Variants in SIPA1L1 observed in about 807,000 individuals in gnomAD.
SIPA1L1 encodes signal-induced proliferation-associated 1-like protein 1.
In SIPA1L1, 26 loss-of-function variants were observed where a neutral mutation model predicts 162.7. That is an observed-to-expected ratio of 0.16 (90% CI 0.12 to 0.22). The LOEUF (loss-of-function observed/expected upper bound fraction) is 0.22, where lower values mean the gene tolerates loss of function less well. Ranked by LOEUF, SIPA1L1 falls within the 10% of genes least tolerant of loss-of-function variation. The pLI, the probability that SIPA1L1 is intolerant of heterozygous loss-of-function variation, is 1.00. For missense variants in SIPA1L1, 1,874 were observed against 2,241.0 expected, an observed-to-expected ratio of 0.84 and a Z score of 3.31; for synonymous variants, 829 against 837.4, an observed-to-expected ratio of 0.99 and a Z score of 0.17.
At chr14:71,655,617 T>C (rs1354415303) in intron 8 of SIPA1L1, among the ~76,000 whole-genome samples, 2 of 152,186 alleles carry the variant, frequency 1.3e-5, no homozygotes, top group African/African-American at 4.8e-5. Context: ...TTTCTCAAAA[T>C]CCTTGCCAAC....
At chr14:71,435,724 A>G (rs891479752) in intron 2 of SIPA1L1, among the ~76,000 whole-genome samples, 1 of 152,174 alleles carries the variant, frequency 6.6e-6, no homozygotes, top group Non-Finnish European at 1.5e-5. Context: ...TGGTATTTCT[A>G]GTTCTAGATC....
intron 4 of SIPA1L1, among the ~76,000 whole-genome samples, chr14:71,532,996 A>T (rs1394079763): frequency 6.6e-6 from 1 of 152,160 alleles, no homozygotes; most frequent in Non-Finnish European, 1.5e-5. Flanking sequence ...TCCTGGAAAC[A>T]TATTGTATCT....
At chr14:71,658,145 C>T (rs567137336) in intron 8 of SIPA1L1, among the ~76,000 whole-genome samples, 188 bp from the exon 9 acceptor site, 3 of 150,868 alleles carry the variant, frequency 2.0e-5, no homozygotes, top group East Asian at 1.9e-4. Context: ...GGATCTGATC[C>T]GTAGGCTTCA....
At chr14:71,323,946 A>G (rs1264548029) in intron 2 of SIPA1L1, among the ~76,000 whole-genome samples, 1 of 152,214 alleles carries the variant, frequency 6.6e-6, no homozygotes. Flanking sequence ...TTGAATTTTA[A>G]TATATTTTAA....
chr14:71,685,273 TTTTTAAGTG>T, intron 12 of SIPA1L1, 80 bp from the exon 13 acceptor site: 1 of 1,397,926 alleles, frequency 7.2e-7, no homozygotes, highest in East Asian at 2.3e-5. Context: ...TGTGGATCCA[TTTTTAAGTG>T]TTAATGAGAA....
chr14:71,719,659 A>G (rs1306959022), intron 17 of SIPA1L1, among the ~76,000 whole-genome samples: 1 of 151,990 alleles, frequency 6.6e-6, no homozygotes, highest in Admixed American at 6.6e-5. Context: ...ACACCCAGCT[A>G]TTTTTGTGTT....
intron 4 of SIPA1L1, chr14:71,573,744 C>T (rs1235049675): frequency 2.6e-5 from 12 of 456,460 alleles, no homozygotes; most frequent in South Asian, 1.7e-4. Context: ...AAACAATATC[C>T]ATTATCTCTA....
chr14:71,551,791 G>C (rs533244263), intron 4 of SIPA1L1, among the ~76,000 whole-genome samples: 1 of 152,000 alleles, frequency 6.6e-6, no homozygotes, highest in Non-Finnish European at 1.5e-5. Context: ...CCTTGGACAC[G>C]CTGTTTGCTC....
chr14:71,433,914 A>G (rs1465818710), intron 2 of SIPA1L1, among the ~76,000 whole-genome samples: 1 of 152,194 alleles, frequency 6.6e-6, no homozygotes, highest in Admixed American at 6.5e-5. Flanking sequence ...GCACAGAGCA[A>G]AATGTCTAGA....
intron 4 of SIPA1L1, among the ~76,000 whole-genome samples, chr14:71,563,467 T>C (rs1374584688): frequency 6.6e-6 from 1 of 152,232 alleles, no homozygotes; most frequent in Non-Finnish European, 1.5e-5. Flanking sequence ...GCACTTATAT[T>C]ACTAAGGTGT....
chr14:71,702,270 CAAAA>C (rs1359091016), intron 14 of SIPA1L1, 107 bp from the exon 15 acceptor site: 3 of 1,187,362 alleles, frequency 2.5e-6, no homozygotes, highest in Admixed American at 4.0e-5. Flanking sequence ...GACACATAAG[CAAAA>C]ACCAGTAGTG....
chr14:71,626,318 G>A (rs2039979948), intron 7 of SIPA1L1, among the ~76,000 whole-genome samples: 1 of 152,148 alleles, frequency 6.6e-6, no homozygotes, highest in Non-Finnish European at 1.5e-5. Context: ...GAATCTAGAG[G>A]TTCAAAGCAT....
At chr14:71,375,991 C>T (rs965000375) in intron 2 of SIPA1L1, among the ~76,000 whole-genome samples, 3 of 151,978 alleles carry the variant, frequency 2.0e-5, no homozygotes, top group Non-Finnish European at 4.4e-5. Flanking sequence ...ATTTTTGTGC[C>T]TCAATTAATG....
In SIPA1L1 at chr14:71,377,383, G is replaced by A. The variant is rs567952791; in HGVS notation, c.-465+56202G>A. 2.2e-4 allele frequency among the ~76,000 whole-genome samples: 33 copies of A among 151,786 alleles called. No individual in the cohort carries two copies. The highest frequency in any genetic ancestry group is 5.8e-4 in the African/African-American group (24 of 41,396). On this transcript the variant is annotated intron_variant, in intron 2 of 23. Transcript: ENST00000381232. This position sits in a 1 kb window ranked among gnomAD's most constrained non-coding sequence, Gnocchi z 4.8. ...CACTCCTCAGTTCCCAGACGGGGTC[G>A]CGGCCGGGCAGAGGCACTCCTCACC...
At chr14:71,627,953 G>A (rs915819338) in intron 7 of SIPA1L1, among the ~76,000 whole-genome samples, 5 of 151,574 alleles carry the variant, frequency 3.3e-5, no homozygotes, top group African/African-American at 1.2e-4. Flanking sequence ...TTCTAACTAG[G>A]AATTCAGTGT....
At chr14:71,492,027 A>G (rs1276964179) in intron 2 of SIPA1L1, among the ~76,000 whole-genome samples, 2 of 151,984 alleles carry the variant, frequency 1.3e-5, no homozygotes, top group Non-Finnish European at 2.9e-5. Context: ...CTGTATTTCA[A>G]CCTGTGTAAT....
chr14:71,479,753 G>A (rs2048195948), intron 2 of SIPA1L1, among the ~76,000 whole-genome samples: 1 of 151,770 alleles, frequency 6.6e-6, no homozygotes, highest in African/African-American at 2.4e-5. Flanking sequence ...TTTAAGACAG[G>A]GTCTCCCTCT....
intron 2 of SIPA1L1, among the ~76,000 whole-genome samples, chr14:71,396,584 G>T (rs2041222731): frequency 6.6e-6 from 1 of 152,136 alleles, no homozygotes. Context: ...GGTCCAAGTG[G>T]TCAGTTATCT....
At chr14:71,562,386 T>TAAAATTCTTTTTAATAATAACA (rs1401072610) in intron 4 of SIPA1L1, among the ~76,000 whole-genome samples, 1 of 152,174 alleles carries the variant, frequency 6.6e-6, no homozygotes, top group Non-Finnish European at 1.5e-5. Context: ...ATTTTATTAT[T>TAAAATTCTTTTTAATAATAACA]AAATGCTTAC....
Sources: gnomAD v4.1 joint callset for allele counts (sites outside exome capture counted in the v4.1 genomes callset) on GRCh38, gnomAD v4.1.1 for gene constraint, Gnocchi (gnomAD v3.1) non-coding constraint, MANE v1.5 for transcripts, NCBI Gene and HGNC (gene_info 2026-07-23, HGNC 2026-07-21) for gene names.